The following KLHL12 variants were observed in gnomAD, a reference collection of about 807,000 sequenced individuals.
The protein encoded by KLHL12 is kelch-like protein 12.
In KLHL12, 17 loss-of-function variants were observed where a neutral mutation model predicts 60.8. The observed-to-expected ratio is 0.28, with a 90% CI of 0.19 to 0.42. KLHL12 has a LOEUF of 0.42. KLHL12 is among the 10% of genes least tolerant of loss of function. KLHL12 has a pLI of 1.00. For synonymous variants in KLHL12, 220 were observed against 250.9 expected (o/e 0.88, Z 1.16); for missense variants, 468 against 722.3 (o/e 0.65, Z 4.04).
Position 202,894,621 on chromosome 1 carries a change from C to T in KLHL12, c.1264G>A (p.Val422Ile), listed in dbSNP as rs755504307. ...MQTAREGAGL[V>I]VASGVIYCLG... ...CAGTAGATCACTCCACTGGCCACTA[C>T]GAGTCCGGCACCTTCCCGGGCTGTC... The change falls in exon 9 of 12, where the codon GTA (valine) becomes ATA (isoleucine). Residue 422 changes from valine (V) to isoleucine (I), a missense_variant. Transcript: ENST00000367261. The T allele has an allele frequency of 9.3e-6, 15 of 1,614,038 alleles. No individual in the cohort carries two copies. Among genetic ancestry groups the T allele is most frequent in the South Asian group, 2.2e-5 (2 of 91,080 alleles).
chr1:202,927,270 A>T (rs17552608), upstream of KLHL12: 5,921 of 980,082 alleles, frequency 6.0e-3, 387 homozygotes, highest in East Asian at 0.22. Context: ...GACGCAATGC[A>T]GCTGGAGCAC....
intron 4 of KLHL12, among the ~76,000 whole-genome samples, chr1:202,913,597 TCTCA>T (rs1660430322): frequency 6.6e-6 from 1 of 152,192 alleles, no homozygotes; most frequent in Admixed American, 6.5e-5. Context: ...AAATGAACAA[TCTCA>T]CTATTATTGC....
chr1:202,909,058 G>C lies in KLHL12; in HGVS notation c.784C>G (p.Pro262Ala). Residue 262 changes from proline to alanine, a missense_variant, in exon 6 of 12, where the codon CCT becomes GCT. Around this residue, in one of 4 missense-constraint regions of KLHL12, gnomAD observed 339 missense variants for 525.0 expected, o/e 0.65. Coordinates refer to ENST00000367261, the MANE Select transcript of KLHL12 (RefSeq NM_021633.4). This position sits in a 1 kb window ranked among gnomAD's most constrained non-coding sequence, Gnocchi z 4.1. ...VDEAKKFHLR[P>A]ELRSQMQGPR... Reference sequence around the variant, plus strand: ...CCCTGCATCTGACTCCGAAGTTCAGGCCTCAGATGAAACTTCTTTGCTTCA... The same window carrying C: ...CCCTGCATCTGACTCCGAAGTTCAGCCCTCAGATGAAACTTCTTTGCTTCA... The C allele has an allele frequency of 1.2e-6, 2 of 1,614,018 alleles. No homozygotes were observed. Among genetic ancestry groups the C allele is most frequent in the Non-Finnish European group, 1.7e-6 (2 of 1,179,940 alleles).
intron 6 of KLHL12, 78 bp downstream of exon 6, chr1:202,908,932 G>C: frequency 1.1e-6 from 1 of 890,798 alleles, no homozygotes; most frequent in Non-Finnish European, 1.9e-6. Flanking sequence ...TTCTTATAGA[G>C]TATTATTTTC....
At chr1:202,894,071 G>A in intron 10 of KLHL12, 113 bp downstream of exon 10, 1 of 604,838 alleles carries the variant, frequency 1.7e-6, no homozygotes, top group Non-Finnish European at 3.0e-6. Flanking sequence ...AGACAAGGAG[G>A]AGAGCAGAAT....
intron 6 of KLHL12, among the ~76,000 whole-genome samples, chr1:202,900,590 G>A (rs914984223): frequency 4.0e-5 from 6 of 151,864 alleles, no homozygotes; most frequent in Non-Finnish European, 7.4e-5. Flanking sequence ...AAGGCTGGGC[G>A]TGGTGGCTCA....
At chr1:202,925,300 C>T in intron 1 of KLHL12, 93 bp from the exon 2 acceptor site, 3 of 1,406,334 alleles carry the variant, frequency 2.1e-6, no homozygotes, top group South Asian at 3.0e-5. Flanking sequence ...ACCTAAGAGG[C>T]TTCCTCAGAC....
chr1:202,892,807 CCTGTCTCAATAAAATTTAAAGAA>C (rs1323091122), intron 11 of KLHL12, 148 bp from the exon 12 acceptor site: 9 of 687,790 alleles, frequency 1.3e-5, no homozygotes, highest in Non-Finnish European at 2.1e-5. Context: ...ATGGTGAGAC[CCTGTCTCAATAAAATTTAAAGAA>C]AGAAAGAAAG....
In KLHL12 at chr1:202,895,011, A is replaced by T. The variant is rs1659788796; in HGVS notation, c.1136-262T>A. 6.6e-6 allele frequency among the ~76,000 whole-genome samples: 1 copy of T among 152,214 alleles called. No individual in the cohort carries two copies. On this transcript the variant is annotated intron_variant, in intron 8 of 11. Coordinates refer to ENST00000367261, the MANE Select transcript of KLHL12 (RefSeq NM_021633.4). The surrounding 1 kb of genome is among the most constrained non-coding windows in gnomAD (Gnocchi z 4.2). ...CCAGTTCCCCACCCAGCACATTGGAACTTGATTTGCCAACTTTGTAGTCAA... is the reference window on the plus strand; with the variant it reads ...CCAGTTCCCCACCCAGCACATTGGATCTTGATTTGCCAACTTTGTAGTCAA...
At chr1:202,894,859 G>T in intron 8 of KLHL12, 110 bp from the exon 9 acceptor site, 1 of 848,480 alleles carries the variant, frequency 1.2e-6, no homozygotes, top group African/African-American at 1.7e-5. Context: ...CAAAAACAAA[G>T]TATTTTTAAA....
intron 4 of KLHL12, among the ~76,000 whole-genome samples, chr1:202,916,967 T>C (rs1660540061): frequency 8.1e-6 from 1 of 123,900 alleles, no homozygotes; most frequent in African/African-American, 2.9e-5. Flanking sequence ...AGTGAGACCA[T>C]CTCAGAAGAA....
chr1:202,906,194 CG>C (rs1053790052), intron 6 of KLHL12, among the ~76,000 whole-genome samples: 4 of 147,832 alleles, frequency 2.7e-5, no homozygotes. Context: ...GGCTCATGCC[CG>C]TAATCCCAGC....
intron 1 of KLHL12, among the ~76,000 whole-genome samples, chr1:202,925,863 T>C (rs1050276066): frequency 1.3e-5 from 2 of 152,136 alleles, no homozygotes; most frequent in Non-Finnish European, 2.9e-5. Flanking sequence ...CCCAGCACTT[T>C]AGGAGGCTGA....
chr1:202,906,237 G>A (rs1367631330), intron 6 of KLHL12, among the ~76,000 whole-genome samples: 1 of 150,198 alleles, frequency 6.7e-6, no homozygotes, highest in Non-Finnish European at 1.5e-5. Context: ...CGGATCACCT[G>A]ACGTCAGGAG....
At position 202,895,797 on chromosome 1, in the gene KLHL12, G is replaced by C. The variant is rs2102407988; in HGVS notation, c.940-80C>G. 1.0e-6 allele frequency: 1 copy of C among 1,004,314 alleles called. No homozygotes were observed. The highest frequency in any genetic ancestry group is 1.5e-6 in the Non-Finnish European group (1 of 655,946). 62.2% of individuals were successfully genotyped at this position (1,004,314 alleles called of 1,614,324 possible). On this transcript the variant is annotated intron_variant, in intron 7 of 11. Coordinates refer to ENST00000367261, the MANE Select transcript of KLHL12 (RefSeq NM_021633.4). The surrounding 1 kb of genome is among the most constrained non-coding windows in gnomAD (Gnocchi z 4.2). ...CTTACCTTTTGCTATCTTCCCTGTT[G>C]TATCTGCACACCTCTCTGCTTCTTC...
At chr1:202,917,156 G>A (rs1382772423) in intron 4 of KLHL12, among the ~76,000 whole-genome samples, 1 of 152,120 alleles carries the variant, frequency 6.6e-6, no homozygotes, top group Non-Finnish European at 1.5e-5. Context: ...TTCTGTGTAG[G>A]TTAAGTCACT....
At chr1:202,898,142 G>A (rs974102004) in intron 6 of KLHL12, among the ~76,000 whole-genome samples, 11 of 152,086 alleles carry the variant, frequency 7.2e-5, no homozygotes, top group Non-Finnish European at 1.3e-4. Flanking sequence ...GGCCTCAAGC[G>A]ATACTCCTGC....
At chr1:202,906,456 A>C (rs1308694551) in intron 6 of KLHL12, among the ~76,000 whole-genome samples, 2 of 66,964 alleles carry the variant, frequency 3.0e-5, no homozygotes, top group Non-Finnish European at 2.8e-5. Flanking sequence ...GCTTCGTCTC[A>C]AAAAAAAAAA....
At position 202,893,349 on chromosome 1, in the gene KLHL12, A is replaced by G; in HGVS notation, c.1470T>C (p.Val490=). The change falls in exon 11 of 12, where the codon GTT becomes GTC. Residue 490 remains valine, a synonymous_variant. Transcript: ENST00000367261. The surrounding 1 kb of genome is among the most constrained non-coding windows in gnomAD (Gnocchi z 4.1). ...GFDGTAHLSS[V]EAYNIRTDSW... ...AATCAGTGCGAATGTTGTATGCTTC[A>G]ACGGAAGAAAGGTGGGCTGTACCAT... is the stretch of plus-strand genomic sequence containing the variant. 1.2e-6 allele frequency: 2 copies of G among 1,614,114 alleles called. No individual in the cohort carries two copies. Among genetic ancestry groups the G allele is most frequent in the South Asian group, 2.2e-5 (2 of 91,074 alleles).
Sources: gnomAD v4.1 joint callset for allele counts (sites outside exome capture counted in the v4.1 genomes callset) on GRCh38, gnomAD v4.1.1 for gene constraint, gnomAD v4.1.1 regional missense constraint, Gnocchi (gnomAD v3.1) non-coding constraint, MANE v1.5 for transcripts, NCBI Gene and HGNC (gene_info 2026-07-23, HGNC 2026-07-21) for gene names.